BCL2: variants seen among roughly 807,000 people sequenced by gnomAD.
BCL2 encodes the protein apoptosis regulator Bcl-2.
BCL2 carries 1 observed loss-of-function variant against 14.2 expected under a neutral mutation model. That is an observed-to-expected ratio of 0.07 (90% CI 0.02 to 0.33). The LOEUF (loss-of-function observed/expected upper bound fraction) is 0.33, where lower values mean the gene tolerates loss of function less well. Ranked by LOEUF, BCL2 falls within the 10% of genes least tolerant of loss-of-function variation. The pLI is 0.99. For synonymous variants in BCL2, 151 were observed against 137.2 expected (o/e 1.10, Z -0.70); for missense variants, 247 against 305.9 (o/e 0.81, Z 1.44).
intron 2 of BCL2, among the ~76,000 whole-genome samples, chr18:63,139,397 G>A (rs942721584): frequency 1.5e-4 from 23 of 152,184 alleles, no homozygotes; most frequent in African/African-American, 5.1e-4. Context: ...CATCTTCAGC[G>A]GGCTTATTCA....
chr18:63,312,513 A>C (rs1913361779), intron 2 of BCL2, among the ~76,000 whole-genome samples: 1 of 152,248 alleles, frequency 6.6e-6, no homozygotes, highest in Admixed American at 6.5e-5. Context: ...TGGCATTTTG[A>C]AAGTTTTACA....
At chr18:63,137,510 G>T (rs758566551) in intron 2 of BCL2, among the ~76,000 whole-genome samples, 9 of 152,174 alleles carry the variant, frequency 5.9e-5, no homozygotes, top group Non-Finnish European at 1.2e-4. Context: ...TTTAAAAGGG[G>T]AGTATTCAGA....
chr18:63,126,213 C>T lies in BCL2; in HGVS notation c.*2412G>A, dbSNP rs529635154. The T allele has an allele frequency of 1.8e-5, 4 of 217,210 alleles. No homozygotes were observed. The highest frequency in any genetic ancestry group is 6.7e-5 in the East Asian group (1 of 14,816). The allele number at this position is 217,210 out of a possible 1,614,324, so 13.5% of individuals were successfully genotyped here. A position where few individuals can be genotyped will look rare whatever the true frequency, so the allele number is the denominator to read the frequency against. Reference sequence around the variant, plus strand: ...GATCATTCTGTTCCCTGAGGCCCGCCGGGGAGGTCTGGCTTCATACCACAG... The same window carrying T: ...GATCATTCTGTTCCCTGAGGCCCGCTGGGGAGGTCTGGCTTCATACCACAG... On this transcript the variant is annotated 3_prime_UTR_variant, in exon 3 of 3. Transcript: ENST00000333681.
intron 2 of BCL2, among the ~76,000 whole-genome samples, chr18:63,171,925 G>A (rs1915230174): frequency 6.6e-6 from 1 of 152,202 alleles, no homozygotes; most frequent in Non-Finnish European, 1.5e-5. Context: ...AGGCTGCAGT[G>A]AGCTATGATC....
intron 2 of BCL2, among the ~76,000 whole-genome samples, chr18:63,256,061 A>G (rs540524996): frequency 2.6e-5 from 4 of 152,204 alleles, no homozygotes; most frequent in African/African-American, 4.8e-5. Flanking sequence ...AATATAGTCG[A>G]TGGGATACAT....
chr18:63,254,855 C>T (rs1217537069), intron 2 of BCL2, among the ~76,000 whole-genome samples: 1 of 152,150 alleles, frequency 6.6e-6, no homozygotes, highest in Non-Finnish European at 1.5e-5. Flanking sequence ...GGGTAGTGCA[C>T]TCTGTTCAAT....
intron 2 of BCL2, among the ~76,000 whole-genome samples, chr18:63,261,776 T>C (rs1446458809): frequency 2.0e-5 from 3 of 151,518 alleles, no homozygotes; most frequent in Non-Finnish European, 4.4e-5. Flanking sequence ...ATTTTCTTTT[T>C]TGTTGTTATT....
At chr18:63,289,694 G>A (rs2034715165) in intron 2 of BCL2, among the ~76,000 whole-genome samples, 1 of 152,108 alleles carries the variant, frequency 6.6e-6, no homozygotes, top group Non-Finnish European at 1.5e-5. Flanking sequence ...AGGAGTTCAA[G>A]ACCAGCCTGG....
chr18:63,137,339 T>C (rs11872297), intron 2 of BCL2, among the ~76,000 whole-genome samples: 64 of 152,328 alleles, frequency 4.2e-4, no homozygotes, highest in African/African-American at 1.5e-3. Context: ...CATTCAACTA[T>C]TAGCACCTGG....
At chr18:63,310,003 C>T (rs190807566) in intron 2 of BCL2, among the ~76,000 whole-genome samples, 128 of 152,148 alleles carry the variant, frequency 8.4e-4, no homozygotes, top group African/African-American at 2.9e-3. Context: ...GCTGGGATTA[C>T]AGGCGCCCAC....
chr18:63,253,424 G>A (rs1157894817), intron 2 of BCL2, among the ~76,000 whole-genome samples: 1 of 152,164 alleles, frequency 6.6e-6, no homozygotes, highest in Non-Finnish European at 1.5e-5. Context: ...AGAATATATT[G>A]CAACATTCAG....
At chr18:63,255,368 G>A (rs1207751636) in intron 2 of BCL2, among the ~76,000 whole-genome samples, 1 of 152,168 alleles carries the variant, frequency 6.6e-6, no homozygotes, top group Non-Finnish European at 1.5e-5. Context: ...TCTGGGGACT[G>A]GCCTATGTCC....
rs141611964 is a variant in BCL2, at chr18:63,228,101, TCTTC to T, written c.585+89977_585+89980del. Among the ~76,000 whole-genome samples the T allele has an allele frequency of 3.6e-3, 549 of 152,340 alleles. 2 individuals are homozygous for T. Among genetic ancestry groups the T allele is most frequent in the Non-Finnish European group, 6.1e-3 (416 of 68,020 alleles). On this transcript the variant is annotated intron_variant, in intron 2 of 2. Transcript: ENST00000333681. ...AGGTGTACATACAGAAAGAAAAATC[TCTTC>T]CTTCTTTTTCTTAAAAGATCACTAA...
intron 2 of BCL2, among the ~76,000 whole-genome samples, chr18:63,286,731 G>A (rs1026415008): frequency 2.0e-5 from 3 of 152,166 alleles, no homozygotes; most frequent in Non-Finnish European, 4.4e-5. Flanking sequence ...GAAGTAAGGA[G>A]AGAAGGCAGA....
intron 2 of BCL2, among the ~76,000 whole-genome samples, chr18:63,181,417 T>A (rs1405182605): frequency 6.6e-6 from 1 of 152,160 alleles, no homozygotes; most frequent in East Asian, 1.9e-4. Flanking sequence ...AGCTTTGCGA[T>A]TGGGACCTTC....
chr18:63,318,556 G>A lies in BCL2; in HGVS notation c.111C>T (p.Ala37=), dbSNP rs769656259. 5 of 1,589,826 alleles carry A rather than the reference G, an allele frequency of 3.1e-6. No individual in the cohort carries two copies. The highest frequency in any genetic ancestry group is 4.3e-6 in the Non-Finnish European group (5 of 1,170,750). Reference sequence around the variant, plus strand: ...GTGCGGGGGCGGCCCCCGGGGGCGCGGCGCCCACATCTCCCGCATCCCACT... The same window carrying A: ...GTGCGGGGGCGGCCCCCGGGGGCGCAGCGCCCACATCTCCCGCATCCCACT... ...GYEWDAGDVG[A]APPGAAPAPG... is the part of the protein sequence containing the mutation. The change falls in exon 2 of 3, where the codon GCC becomes GCT. Residue 37 remains alanine (A), a synonymous_variant. Coordinates refer to ENST00000333681, the MANE Select transcript of BCL2 (RefSeq NM_000633.3). This position sits in a 1 kb window ranked among gnomAD's most constrained non-coding sequence, Gnocchi z 7.4.
chr18:63,180,616 G>C (rs958962098), intron 2 of BCL2, among the ~76,000 whole-genome samples: 1 of 152,016 alleles, frequency 6.6e-6, no homozygotes. Flanking sequence ...AGCCAGCTGA[G>C]TACTGCCCTT....
At chr18:63,312,838 A>G (rs1913374492) in intron 2 of BCL2, among the ~76,000 whole-genome samples, 1 of 152,244 alleles carries the variant, frequency 6.6e-6, no homozygotes, top group Non-Finnish European at 1.5e-5. Context: ...AGAATTAATG[A>G]AATGCTTTAG....
intron 2 of BCL2, among the ~76,000 whole-genome samples, chr18:63,305,204 G>T (rs1317873480): frequency 6.6e-6 from 1 of 152,176 alleles, no homozygotes; most frequent in Admixed American, 6.5e-5. Flanking sequence ...ACAAAAGACT[G>T]CATTCCAATT....
Sources: allele counts gnomAD v4.1 joint callset (sites outside exome capture counted in the v4.1 genomes callset), GRCh38; gene constraint gnomAD v4.1.1; non-coding constraint Gnocchi (gnomAD v3.1); transcripts MANE v1.5; gene names NCBI Gene and HGNC (gene_info 2026-07-23, HGNC 2026-07-21).